Variants in NRROS observed in about 807,000 individuals in gnomAD.
NRROS encodes transforming growth factor beta activator LRRC33.
A neutral mutation model predicts 12.0 loss-of-function variants in NRROS; 6 were observed. The ratio of observed to expected loss-of-function variants is 0.50; its 90% CI spans 0.27 to 0.98. The LOEUF is 0.98. Ranked by LOEUF, NRROS falls within the 50% of genes least tolerant of loss-of-function variation. The pLI, the probability that NRROS is intolerant of heterozygous loss-of-function variation, is 0.11. For synonymous variants in NRROS, 462 were observed against 410.2 expected (o/e 1.13, Z -1.53); for missense variants, 857 against 888.2 (o/e 0.96, Z 0.45).
intron 1 of NRROS, among the ~76,000 whole-genome samples, chr3:196,643,888 C>T (rs371835833): frequency 1.7e-4 from 26 of 152,236 alleles, no homozygotes; most frequent in African/African-American, 6.3e-4. Flanking sequence ...CCTCTGTGGT[C>T]GTCAGACACC....
In NRROS at chr3:196,659,805, C is replaced by A; in HGVS notation, c.162C>A (p.Ser54Arg). 6.2e-7 allele frequency: 1 copy of A among 1,613,794 alleles called. No homozygotes were observed. Among genetic ancestry groups the A allele is most frequent in the Non-Finnish European group, 8.5e-7 (1 of 1,179,854 alleles). The change falls in exon 3 of 3, where the codon AGC becomes AGA. Residue 54 changes from serine to arginine, a missense_variant. Coordinates refer to ENST00000328557, the MANE Select transcript of NRROS (RefSeq NM_198565.3). ...AGAGCCTCGCTTCGGTGCCCAGCAG[C>A]CTCCCGCCCCACGCCCGGATGCTCA... ...RGQSLASVPS[S>R]LPPHARMLTL...
rs556086137 is a variant in NRROS, at chr3:196,658,888, C to T, written c.109-864C>T. On this transcript the variant is annotated intron_variant, in intron 2 of 2. Coordinates refer to ENST00000328557, the MANE Select transcript of NRROS (RefSeq NM_198565.3). Reference sequence around the variant, plus strand: ...GGGAGGCTGAAACAGGAGAATTGCTCGAACCCAGGAGGCAGAGATTGCAGT... The same window carrying T: ...GGGAGGCTGAAACAGGAGAATTGCTTGAACCCAGGAGGCAGAGATTGCAGT... 1.7e-4 allele frequency among the ~76,000 whole-genome samples: 26 copies of T among 152,130 alleles called. No individual in the cohort carries two copies. The South Asian group carries it at 1.9e-3, about 11-fold the overall frequency.
intron 1 of NRROS, among the ~76,000 whole-genome samples, chr3:196,641,830 G>A (rs577779240): frequency 1.6e-3 from 245 of 152,232 alleles, no homozygotes; most frequent in Non-Finnish European, 2.8e-3. Flanking sequence ...CACATCAGGC[G>A]CAGATCCATT....
chr3:196,641,033 TCTC>T (rs1737197990), intron 1 of NRROS, among the ~76,000 whole-genome samples: 1 of 152,100 alleles, frequency 6.6e-6, no homozygotes, highest in Admixed American at 6.6e-5. Flanking sequence ...ACGTATTTAT[TCTC>T]CTCACACACC....
chr3:196,660,751 C>A lies in NRROS; in HGVS notation c.1108C>A (p.Arg370=). The A allele has an allele frequency of 6.2e-6, 10 of 1,613,984 alleles. No individual in the cohort carries two copies. The highest frequency in any genetic ancestry group is 8.5e-6 in the Non-Finnish European group (10 of 1,180,038). The change falls in exon 3 of 3, where the codon CGG becomes AGG. Residue 370 remains arginine (R), a synonymous_variant. Transcript: ENST00000328557. The surrounding 1 kb of genome is among the most constrained non-coding windows in gnomAD (Gnocchi z 7.7). ...GAATTGCCTGATGACGCTTCACATT[C>A]GGGAGCACGAGCCCCCCGGAGCGCT... ...HQNCLMTLHI[R]EHEPPGALTE...
At chr3:196,652,640 G>A (rs1334912212) in intron 1 of NRROS, among the ~76,000 whole-genome samples, 1 of 152,178 alleles carries the variant, frequency 6.6e-6, no homozygotes, top group Non-Finnish European at 1.5e-5. Flanking sequence ...GAGAGGATAT[G>A]TTTTAAACTT....
At position 196,639,750 on chromosome 3, in the gene NRROS, T is replaced by G. The variant is rs1374377501; in HGVS notation, c.-139T>G. 1 of 152,576 alleles carries G rather than the reference T, an allele frequency of 6.6e-6. No homozygotes were observed. Among genetic ancestry groups the G allele is most frequent in the South Asian group, 2.1e-4 (1 of 4,838 alleles). 9.5% of individuals were successfully genotyped at this position (152,576 alleles called of 1,614,324 possible). ...TTCAGTTTCCGTCCGTTCCTTCCGCTGGTGCTAAAATAATCTGATGCCCCA... is the reference window on the plus strand; with the variant it reads ...TTCAGTTTCCGTCCGTTCCTTCCGCGGGTGCTAAAATAATCTGATGCCCCA... On this transcript the variant is annotated 5_prime_UTR_variant, in exon 1 of 3. Transcript: ENST00000328557.
chr3:196,646,475 G>A (rs1331121271), intron 1 of NRROS, among the ~76,000 whole-genome samples: 2 of 152,238 alleles, frequency 1.3e-5, no homozygotes, highest in African/African-American at 4.8e-5. Flanking sequence ...GTGGGAGCAG[G>A]TTTGCATTTA....
intron 1 of NRROS, among the ~76,000 whole-genome samples, chr3:196,648,382 C>T (rs1560340598): frequency 6.6e-6 from 1 of 152,140 alleles, no homozygotes; most frequent in Non-Finnish European, 1.5e-5. Flanking sequence ...ACCTGCAGAC[C>T]TCATATCATC....
chr3:196,646,761 T>C (rs1188361277), intron 1 of NRROS, among the ~76,000 whole-genome samples: 4 of 151,656 alleles, frequency 2.6e-5, no homozygotes, highest in Non-Finnish European at 5.9e-5. Context: ...TCCCAGAGAG[T>C]CTCTCGCCAC....
chr3:196,649,887 G>A (rs576064057), intron 1 of NRROS, among the ~76,000 whole-genome samples: 3 of 152,242 alleles, frequency 2.0e-5, no homozygotes, highest in Admixed American at 6.5e-5. Context: ...TCTTAACTAC[G>A]TGGTAACATA....
Position 196,660,571 on chromosome 3 carries a change from G to T in NRROS, c.928G>T (p.Val310Leu). The change falls in exon 3 of 3, where the codon GTG becomes TTG. Residue 310 changes from valine (V) to leucine (L), a missense_variant. Coordinates refer to ENST00000328557, the MANE Select transcript of NRROS (RefSeq NM_198565.3). The surrounding 1 kb of genome is among the most constrained non-coding windows in gnomAD (Gnocchi z 7.7). ...VAQFLLVDGN[V>L]TNITTVSLWE... ...CCAGTTCCTCCTCGTGGACGGCAACGTGACCAACATCACCACCGTCAGCCT... is the reference window on the plus strand; with the variant it reads ...CCAGTTCCTCCTCGTGGACGGCAACTTGACCAACATCACCACCGTCAGCCT... The T allele has an allele frequency of 1.2e-6, 2 of 1,614,124 alleles. No individual in the cohort carries two copies. The highest frequency in any genetic ancestry group is 1.7e-6 in the Non-Finnish European group (2 of 1,180,018).
chr3:196,644,751 GAC>G lies in NRROS; in HGVS notation c.-14+4878_-14+4879del, dbSNP rs574306739. On this transcript the variant is annotated intron_variant, in intron 1 of 2. Transcript: ENST00000328557. Reference sequence around the variant, plus strand: ...TCGCACCATTGCACTCCAGTCTGGCGACAGAGTGAGACTCTGTCAAAAAAAAA... The same window carrying G: ...TCGCACCATTGCACTCCAGTCTGGCGAGAGTGAGACTCTGTCAAAAAAAAA... 5.8e-5 allele frequency among the ~76,000 whole-genome samples: 8 copies of G among 138,176 alleles called. No individual in the cohort carries two copies. The East Asian group carries it at 1.7e-3, about 29-fold the overall frequency. The allele number at this position is 138,176 out of a possible 152,430, so 90.6% of individuals were successfully genotyped here.
At chr3:196,655,911 G>A (rs141749894) in intron 2 of NRROS, among the ~76,000 whole-genome samples, 5,425 of 152,266 alleles carry the variant, frequency 0.036, 356 homozygotes, top group African/African-American at 0.12. Flanking sequence ...CATGGCTCAC[G>A]CCTGTCATCC....
intron 1 of NRROS, among the ~76,000 whole-genome samples, chr3:196,641,924 C>T (rs1737217194): frequency 6.6e-6 from 1 of 152,194 alleles, no homozygotes. Flanking sequence ...GTGTGTATGA[C>T]ACACTTACAG....
rs199717480 is a variant in NRROS at position 196,653,410 on chromosome 3, GCCC to G, written c.-13-1115_-13-1113del. ...TGCATTTGAAGAAAGGAAAGAGGAG[GCCC>G]CTGAGTGGCTGGAGCGAGCAGGTGG... On this transcript the variant is annotated intron_variant, in intron 1 of 2. Transcript: ENST00000328557. Among the ~76,000 whole-genome samples, 245 of 152,354 alleles carry G rather than the reference GCCC, an allele frequency of 1.6e-3. 1 individual carries two copies. In the East Asian group the frequency reaches 0.032, roughly 20 times the overall value.
At chr3:196,647,458 T>C (rs1176551843) in intron 1 of NRROS, among the ~76,000 whole-genome samples, 1 of 152,022 alleles carries the variant, frequency 6.6e-6, no homozygotes, top group East Asian at 1.9e-4. Context: ...GTTGTTCTAA[T>C]CCTCAATTTC....
chr3:196,653,905 C>G (rs1737481463), intron 1 of NRROS, among the ~76,000 whole-genome samples: 1 of 152,194 alleles, frequency 6.6e-6, no homozygotes, highest in Non-Finnish European at 1.5e-5. Context: ...TTTATTCTAC[C>G]CAAAGATTGC....
At position 196,661,784 on chromosome 3, in the gene NRROS, C is replaced by T; in HGVS notation, c.*62C>T. 7.1e-7 allele frequency: 1 copy of T among 1,414,370 alleles called. No homozygotes were observed. The highest frequency in any genetic ancestry group is 9.5e-7 in the Non-Finnish European group (1 of 1,049,574). 87.6% of individuals were successfully genotyped at this position (1,414,370 alleles called of 1,614,324 possible). Reference sequence around the variant, plus strand: ...CACAACAGGACACTTTCTCTGCCAGCTTTCAAGATGTGATGCAGAGGCCAA... The same window carrying T: ...CACAACAGGACACTTTCTCTGCCAGTTTTCAAGATGTGATGCAGAGGCCAA... On this transcript the variant is annotated 3_prime_UTR_variant, in exon 3 of 3. Coordinates refer to ENST00000328557, the MANE Select transcript of NRROS (RefSeq NM_198565.3).
Sources: gnomAD v4.1 joint callset for allele counts (sites outside exome capture counted in the v4.1 genomes callset) on GRCh38, gnomAD v4.1.1 for gene constraint, Gnocchi (gnomAD v3.1) non-coding constraint, MANE v1.5 for transcripts, NCBI Gene and HGNC (gene_info 2026-07-23, HGNC 2026-07-21) for gene names.